NRG3: variants seen among roughly 807,000 people sequenced by gnomAD.
NRG3 encodes pro-neuregulin-3, membrane-bound isoform.
In NRG3, 31 loss-of-function variants were observed where a neutral mutation model predicts 66.9. That is an observed-to-expected ratio of 0.46 (90% CI 0.35 to 0.63). NRG3 has a LOEUF of 0.63. Ranked by LOEUF, NRG3 falls within the 20% of genes least tolerant of loss-of-function variation. NRG3 has a pLI of 0.00. For missense variants in NRG3, 910 were observed against 878.9 expected, an observed-to-expected ratio of 1.04 and a Z score of -0.45; for synonymous variants, 393 against 359.4, an observed-to-expected ratio of 1.09 and a Z score of -1.06.
intron 2 of NRG3, among the ~76,000 whole-genome samples, chr10:82,412,569 T>A (rs1287461682): frequency 1.3e-5 from 2 of 152,112 alleles, no homozygotes; most frequent in Non-Finnish European, 2.9e-5. Flanking sequence ...TTGCTGAAGG[T>A]TAGGGTGGCT....
At chr10:81,991,786 T>C (rs1264131812) in intron 1 of NRG3, among the ~76,000 whole-genome samples, 1 of 152,186 alleles carries the variant, frequency 6.6e-6, no homozygotes, top group African/African-American at 2.4e-5. Context: ...TACATTTTGC[T>C]ATTACTTTTC....
chr10:81,913,169 C>G (rs1024745268), intron 1 of NRG3, among the ~76,000 whole-genome samples: 28 of 135,026 alleles, frequency 2.1e-4, no homozygotes, highest in Admixed American at 1.6e-3. Context: ...ATTCAACACT[C>G]ATTGATGGAG....
chr10:82,838,731 C>A (rs983459058), intron 3 of NRG3, among the ~76,000 whole-genome samples: 35 of 152,044 alleles, frequency 2.3e-4, no homozygotes, highest in Admixed American at 2.1e-3. Context: ...TATACATATA[C>A]ACACACACAT....
intron 1 of NRG3, among the ~76,000 whole-genome samples, chr10:82,306,690 T>G (rs1248947223): frequency 9.7e-6 from 1 of 103,264 alleles, no homozygotes; most frequent in Non-Finnish European, 1.7e-5. Context: ...GGCGACAGAG[T>G]GAGACTCCGT....
At chr10:82,240,073 A>G (rs2133984436) in intron 1 of NRG3, among the ~76,000 whole-genome samples, 1 of 152,184 alleles carries the variant, frequency 6.6e-6, no homozygotes, top group East Asian at 1.9e-4. Context: ...GAGTCTGTAA[A>G]GGCACATTTC....
chr10:82,959,037 T>G lies in NRG3; in HGVS notation c.1246T>G (p.Ser416Ala). 1 of 1,607,200 alleles carries G rather than the reference T, an allele frequency of 6.2e-7. No homozygotes were observed. The highest frequency in any genetic ancestry group is 8.5e-7 in the Non-Finnish European group (1 of 1,178,038). Residue 416 changes from serine to alanine, a missense_variant, in exon 6 of 9, where the codon TCA becomes GCA. Transcript: ENST00000372141. ...SLKASSTMAKSENLVKSHVQL... is the reference protein window; with the variant it reads ...SLKASSTMAKAENLVKSHVQL... Reference sequence around the variant, plus strand: ...CAAAGCATCCAGCACAATGGCAAAGTCAGAGAACTTGGTGAAGAGCCATGT... The same window carrying G: ...CAAAGCATCCAGCACAATGGCAAAGGCAGAGAACTTGGTGAAGAGCCATGT...
At chr10:82,868,764 C>G (rs1841007287) in intron 4 of NRG3, among the ~76,000 whole-genome samples, 1 of 152,156 alleles carries the variant, frequency 6.6e-6, no homozygotes, top group Admixed American at 6.5e-5. Flanking sequence ...ACAATCTTGG[C>G]TCATTGCAAC....
chr10:82,401,217 A>G (rs2087076693), intron 2 of NRG3, among the ~76,000 whole-genome samples: 2 of 152,164 alleles, frequency 1.3e-5, no homozygotes, highest in African/African-American at 4.8e-5. Flanking sequence ...TAAACACATA[A>G]GAATGTATAT....
At chr10:81,912,583 G>T (rs1010597070) in intron 1 of NRG3, among the ~76,000 whole-genome samples, 2 of 152,180 alleles carry the variant, frequency 1.3e-5, no homozygotes, top group Non-Finnish European at 2.9e-5. Flanking sequence ...ATGTTCTGGT[G>T]GGGGAGCAGG....
chr10:82,715,845 G>A (rs905985422), intron 2 of NRG3, among the ~76,000 whole-genome samples: 4 of 152,048 alleles, frequency 2.6e-5, no homozygotes, highest in African/African-American at 7.2e-5. Context: ...CATCATGGTT[G>A]TACCTGTTGA....
chr10:82,523,553 C>T (rs915379820), intron 2 of NRG3, among the ~76,000 whole-genome samples: 3 of 151,906 alleles, frequency 2.0e-5, no homozygotes, highest in Admixed American at 2.0e-4. Flanking sequence ...ATCCCTCACT[C>T]TTTTTTTAAT....
At chr10:82,742,221 A>G (rs1193852427) in intron 3 of NRG3, among the ~76,000 whole-genome samples, 1 of 152,154 alleles carries the variant, frequency 6.6e-6, no homozygotes, top group East Asian at 1.9e-4. Context: ...ATGCAAAGTT[A>G]GTCAGAAATG....
Position 82,703,660 on chromosome 10 carries a change from T to C in NRG3, c.954-34917T>C, listed in dbSNP as rs192565099. On this transcript the variant is annotated intron_variant, in intron 2 of 8. Coordinates refer to ENST00000372141, the MANE Select transcript of NRG3 (RefSeq NM_001010848.4). ...TATTGTTAATTTCCTACCAACACAC[T>C]TGCTACAATATATTGTATAAGAAAT... Among the ~76,000 whole-genome samples, 333 of 152,274 alleles carry C rather than the reference T, an allele frequency of 2.2e-3. 1 individual carries two copies. The highest frequency in any genetic ancestry group is 6.6e-3 in the African/African-American group (274 of 41,574).
chr10:82,669,655 G>A (rs11195499), intron 2 of NRG3, among the ~76,000 whole-genome samples: 58,672 of 152,038 alleles, frequency 0.39, 13,341 homozygotes, highest in Non-Finnish European at 0.51. Flanking sequence ...CATGCCGGGC[G>A]CGGTGGCTCT....
At chr10:82,907,896 G>A (rs901636533) in intron 4 of NRG3, among the ~76,000 whole-genome samples, 2 of 152,058 alleles carry the variant, frequency 1.3e-5, no homozygotes, top group African/African-American at 4.8e-5. Flanking sequence ...AAAGCATGTA[G>A]GCAATGTTTT....
chr10:82,698,534 C>T (rs144802371), intron 2 of NRG3, among the ~76,000 whole-genome samples: 18 of 152,188 alleles, frequency 1.2e-4, no homozygotes, highest in East Asian at 7.7e-4. Context: ...TATTGATCTA[C>T]GTAAGCCCTA....
chr10:82,084,466 A>G (rs1041075846), intron 1 of NRG3, among the ~76,000 whole-genome samples: 1 of 150,202 alleles, frequency 6.7e-6, no homozygotes, highest in African/African-American at 2.5e-5. Context: ...TTGAGACTGT[A>G]ATTTAGCTAG....
At chr10:82,123,137 G>A (rs1375888071) in intron 1 of NRG3, among the ~76,000 whole-genome samples, 1 of 152,114 alleles carries the variant, frequency 6.6e-6, no homozygotes, top group Non-Finnish European at 1.5e-5. Flanking sequence ...GTTATTTTAA[G>A]ACAGAATAAG....
rs180721601 is a variant in NRG3 at position 81,983,714 on chromosome 10, C to A, written c.823+107551C>A. ...TTTCCTCTTGTAGAAATACCTTCTTCCATGTATAAAGGCACCTAAAATGTT... is the reference window on the plus strand; with the variant it reads ...TTTCCTCTTGTAGAAATACCTTCTTACATGTATAAAGGCACCTAAAATGTT... On this transcript the variant is annotated intron_variant, in intron 1 of 8. Transcript: ENST00000372141. 2.6e-5 allele frequency among the ~76,000 whole-genome samples: 4 copies of A among 152,322 alleles called. No homozygotes were observed. The East Asian group carries it at 7.7e-4, about 29-fold the overall frequency.
Sources: allele counts gnomAD v4.1 joint callset (sites outside exome capture counted in the v4.1 genomes callset), GRCh38; gene constraint gnomAD v4.1.1; transcripts MANE v1.5; gene names NCBI Gene and HGNC (gene_info 2026-07-23, HGNC 2026-07-21).